The following FCRL5 variants were observed in gnomAD, a reference collection of about 807,000 sequenced individuals.
FCRL5 encodes Fc receptor-like protein 5.
FCRL5 carries 79 observed loss-of-function variants against 92.1 expected under a neutral mutation model. The ratio of observed to expected loss-of-function variants is 0.86; its 90% CI spans 0.72 to 1.03. The LOEUF (loss-of-function observed/expected upper bound fraction) is 1.03, where lower values mean the gene tolerates loss of function less well. FCRL5 is among the 50% of genes least tolerant of loss of function. The probability of loss-of-function intolerance (pLI) is 0.00; values close to 1 mark genes in which losing one functional copy is unlikely to be tolerated. For missense variants in FCRL5, 1,160 were observed against 1,181.1 expected (o/e 0.98, Z 0.26); for synonymous variants, 466 against 469.3 (o/e 0.99, Z 0.09).
chr1:157,532,752 G>C (rs1650755619), intron 8 of FCRL5: 1 of 152,150 alleles, frequency 6.6e-6, no homozygotes, highest in Non-Finnish European at 1.5e-5. Context: ...CTGGAGAGGG[G>C]CTTTGACGAG....
rs760601224 is a variant in FCRL5, at chr1:157,547,152, G to C, written c.98C>G (p.Thr33Arg). Residue 33 changes from threonine (T) to arginine (R), a missense_variant, in exon 3 of 17, where the codon ACA (threonine) becomes AGA (arginine). Coordinates refer to ENST00000361835, the MANE Select transcript of FCRL5 (RefSeq NM_031281.3). ...PIIFLQPPWTTVFQGERVTLT... is the reference protein window; with the variant it reads ...PIIFLQPPWTRVFQGERVTLT... ...GGTCACTCTCTCTCCTTGGAAGACT[G>C]TGGTCCATGGAGGCTGGAGGAAAAT... 5.0e-6 allele frequency: 8 copies of C among 1,614,078 alleles called. No individual in the cohort carries two copies. In the South Asian group the frequency reaches 8.8e-5, roughly 18 times the overall value.
At chr1:157,527,556 T>C in intron 9 of FCRL5, 61 bp downstream of exon 9, 1 of 1,473,122 alleles carries the variant, frequency 6.8e-7, no homozygotes, top group Non-Finnish European at 9.1e-7. Flanking sequence ...TGATCTTGGC[T>C]ACTGGTAAAG....
At chr1:157,520,611 G>C in intron 11 of FCRL5, 64 bp from the exon 12 acceptor site, 3 of 1,300,122 alleles carry the variant, frequency 2.3e-6, no homozygotes, top group Non-Finnish European at 3.2e-6. Context: ...CCCGCTCCCG[G>C]AAGCTGCTGC....
rs148934442 is a variant in FCRL5, at chr1:157,543,809, A to G, written c.844+453T>C. 3.6e-3 allele frequency among the ~76,000 whole-genome samples: 549 copies of G among 152,336 alleles called. 6 individuals carry two copies. Among genetic ancestry groups the G allele is most frequent in the African/African-American group, 0.013 (529 of 41,576 alleles). ...CATAACTAGGGAATGGTAAACCTCC[A>G]GAGTCACATATTTGGAGTAACTATA... On this transcript the variant is annotated intron_variant, in intron 5 of 16. Coordinates refer to ENST00000361835, the MANE Select transcript of FCRL5 (RefSeq NM_031281.3).
At chr1:157,547,234 C>T (rs1461709687) in intron 2 of FCRL5, 37 bp from the exon 3 acceptor site, 9 of 1,608,662 alleles carry the variant, frequency 5.6e-6, no homozygotes, top group African/African-American at 1.3e-5. Flanking sequence ...GAGGTGGAGG[C>T]GCCTGCAGAC....
In FCRL5 at chr1:157,536,523, C is replaced by T. The variant is rs564630152; in HGVS notation, c.1403-1631G>A. On this transcript the variant is annotated intron_variant, in intron 7 of 16. Transcript: ENST00000361835. ...CTATGACCTGATCCCCACTGTACTG[C>T]TGGAGTGGTTTTCCCCAACATTTAA... is the stretch of plus-strand genomic sequence containing the variant. 1.8e-4 allele frequency among the ~76,000 whole-genome samples: 27 copies of T among 152,374 alleles called. No individual in the cohort carries two copies. The South Asian group carries it at 2.7e-3, about 15-fold the overall frequency.
At chr1:157,545,176 G>A in intron 3 of FCRL5, 94 bp from the exon 4 acceptor site, 1 of 1,403,724 alleles carries the variant, frequency 7.1e-7, no homozygotes, top group Non-Finnish European at 9.6e-7. Context: ...AAAAAAATGG[G>A]TTGGGAAAAA....
chr1:157,539,483 A>T, intron 6 of FCRL5, 119 bp from the exon 7 acceptor site: 1 of 962,062 alleles, frequency 1.0e-6, no homozygotes, highest in Admixed American at 3.0e-5. Context: ...TCAAGCTGGG[A>T]ACTATTTCAG....
chr1:157,548,385 A>T (rs1651653737), intron 2 of FCRL5, among the ~76,000 whole-genome samples: 1 of 150,546 alleles, frequency 6.6e-6, no homozygotes, highest in South Asian at 2.1e-4. Flanking sequence ...CAAGGACTTC[A>T]TGTCTAAAAC....
At chr1:157,546,525 A>C (rs1409611398) in intron 3 of FCRL5, among the ~76,000 whole-genome samples, 1 of 142,676 alleles carries the variant, frequency 7.0e-6, no homozygotes, top group African/African-American at 2.5e-5. Flanking sequence ...AGATTCAGGA[A>C]CCACTCAAAT....
chr1:157,534,962 GC>G (rs1301752109), intron 7 of FCRL5, 70 bp from the exon 8 acceptor site: 1 of 1,423,042 alleles, frequency 7.0e-7, no homozygotes, highest in Non-Finnish European at 9.4e-7. Context: ...CTTGGCCAGT[GC>G]AGATGCCCAG....
chr1:157,552,043 C>A (rs1451556831), intron 1 of FCRL5, among the ~76,000 whole-genome samples: 2 of 152,180 alleles, frequency 1.3e-5, no homozygotes, highest in Non-Finnish European at 2.9e-5. Context: ...ATGAAACATT[C>A]TCTGGACTTT....
At position 157,520,461 on chromosome 1, in the gene FCRL5, G is replaced by A. The variant is rs1650123931; in HGVS notation, c.2602C>T (p.Leu868=). The part of the protein sequence containing the change: ...SIAGLAAGAL[L]LYCWLSRKAG... Reference sequence around the variant, plus strand: ...TTTCTCGAGAGCCAGCAGTAGAGCAGCAGTGCCCCCGCAGCAAGGCCTGCT... The same window carrying A: ...TTTCTCGAGAGCCAGCAGTAGAGCAACAGTGCCCCCGCAGCAAGGCCTGCT... The change falls in exon 12 of 17, where the codon CTG becomes TTG. Residue 868 remains leucine, a synonymous_variant. Transcript: ENST00000361835. 6.4e-7 allele frequency: 1 copy of A among 1,573,758 alleles called. No individual in the cohort carries two copies. Among genetic ancestry groups the A allele is most frequent in the Admixed American group, 1.8e-5 (1 of 54,320 alleles).
At chr1:157,540,495 C>T (rs1451619492) in intron 6 of FCRL5, among the ~76,000 whole-genome samples, 1 of 151,784 alleles carries the variant, frequency 6.6e-6, no homozygotes, top group East Asian at 1.9e-4. Flanking sequence ...TTGCAAACAC[C>T]ATTTGCATGT....
chr1:157,541,513 G>A (rs374690202), intron 6 of FCRL5, among the ~76,000 whole-genome samples: 5 of 152,276 alleles, frequency 3.3e-5, no homozygotes, highest in South Asian at 2.1e-4. Context: ...GTCAAGAACC[G>A]ACTGCCCCTC....
intron 11 of FCRL5, among the ~76,000 whole-genome samples, chr1:157,520,764 A>G (rs1650143349): frequency 6.6e-6 from 1 of 152,212 alleles, no homozygotes; most frequent in African/African-American, 2.4e-5. Context: ...GCCGGTGGCC[A>G]GTGAGAGAGG....
rs1651122130 is a variant in FCRL5 at position 157,539,164 on chromosome 1, G to A, written c.1324C>T (p.His442Tyr). ...VAISFSLTAE[H>Y]SGNYYCTADN... ...GCTGTGCAGTAGTAGTTCCCTGAAT[G>A]CTCTGCAGTCAGAGAGAAGCTGATG... The change falls in exon 7 of 17, where the codon CAT (histidine) becomes TAT (tyrosine). Residue 442 changes from histidine (H) to tyrosine (Y), a missense_variant. His to Tyr is a moderately conservative substitution (Grantham distance 83). Coordinates refer to ENST00000361835, the MANE Select transcript of FCRL5 (RefSeq NM_031281.3). 6.2e-7 allele frequency: 1 copy of A among 1,614,098 alleles called. No individual in the cohort carries two copies. Among genetic ancestry groups the A allele is most frequent in the Non-Finnish European group, 8.5e-7 (1 of 1,180,044 alleles).
At position 157,542,851 on chromosome 1, in the gene FCRL5, G is replaced by A; in HGVS notation, c.1123+8C>T. 2 of 1,608,122 alleles carry A rather than the reference G, an allele frequency of 1.2e-6. No individual in the cohort carries two copies. The highest frequency in any genetic ancestry group is 1.7e-6 in the Non-Finnish European group (2 of 1,176,972). On this transcript the variant is annotated splice_region_variant and intron_variant, in intron 6 of 16. Transcript: ENST00000361835. ...GGGGTGGGTGATTGGCAGGAATGCA[G>A]GGCTTACCAGTGACTGAGAGGCTCA...
rs761744976 is a variant in FCRL5, at chr1:157,544,437, C to A, written c.669G>T (p.Pro223=). The change falls in exon 5 of 17, where the codon CCG becomes CCT. Residue 223 remains proline, a synonymous_variant. Transcript: ENST00000361835. ...TQLSLERSDV[P]LRFRFFRDDQ... Reference sequence around the variant, plus strand: ...CATCTCTGAAGAAGCGGAACCGGAGCGGGACATCTGACCTCTCTAGAGAGA... The same window carrying A: ...CATCTCTGAAGAAGCGGAACCGGAGAGGGACATCTGACCTCTCTAGAGAGA... 1.2e-6 allele frequency: 2 copies of A among 1,614,090 alleles called. No individual in the cohort carries two copies. Among genetic ancestry groups the A allele is most frequent in the Admixed American group, 3.3e-5 (2 of 60,002 alleles).
Sources: gnomAD v4.1 joint callset for allele counts (sites outside exome capture counted in the v4.1 genomes callset) on GRCh38, gnomAD v4.1.1 for gene constraint, MANE v1.5 for transcripts, NCBI Gene and HGNC (gene_info 2026-07-23, HGNC 2026-07-21) for gene names.